UNC13D: variants seen among roughly 807,000 people sequenced by gnomAD.
The protein encoded by UNC13D is unc-13 homolog D, also known as protein unc-13 homolog D.
UNC13D carries 115 observed loss-of-function variants against 151.7 expected under a neutral mutation model. That is an observed-to-expected ratio of 0.76 (90% confidence interval 0.65 to 0.88). The LOEUF (loss-of-function observed/expected upper bound fraction) is 0.88, where lower values mean the gene tolerates loss of function less well. Ranked by LOEUF, UNC13D falls within the 40% of genes least tolerant of loss-of-function variation. The pLI is 0.00. For synonymous variants in UNC13D, 588 were observed against 612.2 expected, an observed-to-expected ratio of 0.96 and a Z score of 0.58; for missense variants, 1,369 against 1,438.7, an observed-to-expected ratio of 0.95 and a Z score of 0.78.
In UNC13D at chr17:75,836,002, A is replaced by C; in HGVS notation, c.1544+10T>G. The C allele has an allele frequency of 6.2e-7, 1 of 1,614,120 alleles. No individual in the cohort carries two copies. The highest frequency in any genetic ancestry group is 1.3e-5 in the African/African-American group (1 of 75,064). ...TGCCCCACTACCTCCCGACCTGGCT[A>C]TCTGCTCACTTGTGGAAGATCTTGT... On this transcript the variant is annotated intron_variant, in intron 17 of 31. Coordinates refer to ENST00000207549, the MANE Select transcript of UNC13D (RefSeq NM_199242.3).
rs7208603 is a variant in UNC13D, at chr17:75,840,646, C to T, written c.684-70G>A. The T allele has an allele frequency of 7.0e-3, 11,325 of 1,611,628 alleles. 317 individuals carry two copies. In the African/African-American group the frequency reaches 0.078, roughly 11 times the overall value. ...AAGGGATTAGGCTGGAATCCACCCC[C>T]GGCCGCAGCCACCTGGACCCCAAAG... On this transcript the variant is annotated intron_variant, in intron 8 of 31. Coordinates refer to ENST00000207549, the MANE Select transcript of UNC13D (RefSeq NM_199242.3). The surrounding 1 kb of genome is among the most constrained non-coding windows in gnomAD (Gnocchi z 4.6).
At chr17:75,835,366 C>T in intron 20 of UNC13D, 43 bp downstream of exon 20, 2 of 1,602,864 alleles carry the variant, frequency 1.2e-6, no homozygotes, top group Non-Finnish European at 1.7e-6. Context: ...CAAGCCTCAC[C>T]CCCAAACCGG....
Position 75,840,071 on chromosome 17 carries a change from C to A in UNC13D, c.898G>T (p.Val300Leu). 1 of 1,613,440 alleles carries A rather than the reference C, an allele frequency of 6.2e-7. No homozygotes were observed. The highest frequency in any genetic ancestry group is 8.5e-7 in the Non-Finnish European group (1 of 1,179,948). ...AGCTGCTGCAGGAGGTGGAGGTGCA[C>A]GGTGTAGCTCGGCTGCGAGCGGCTG... is the stretch of plus-strand genomic sequence containing the variant. ...SASRSQPSYT[V>L]HLHLLQQLVS... is the part of the protein sequence containing the mutation. The change falls in exon 11 of 32, where the codon GTG (valine) becomes TTG (leucine). Residue 300 changes from valine (V) to leucine (L), a missense_variant. By Grantham distance (32) the Val-to-Leu change is conservative. This residue lies in a region of UNC13D where 550 missense variants were observed against 609.0 expected (regional missense o/e 0.90). Coordinates refer to ENST00000207549, the MANE Select transcript of UNC13D (RefSeq NM_199242.3). This position sits in a 1 kb window ranked among gnomAD's most constrained non-coding sequence, Gnocchi z 4.6.
At chr17:75,837,015 C>G in intron 12 of UNC13D, 97 bp from the exon 13 acceptor site, 2 of 542,374 alleles carry the variant, frequency 3.7e-6, no homozygotes, top group Non-Finnish European at 5.2e-6. Context: ...TCCCATCCAC[C>G]AGTACAGGCT....
intron 22 of UNC13D, 24 bp downstream of exon 22, chr17:75,834,594 T>A (rs747921585): frequency 6.2e-7 from 1 of 1,613,368 alleles, no homozygotes; most frequent in Non-Finnish European, 8.5e-7. Context: ...CCAGCTAGAC[T>A]CCCAGCCCCA....
chr17:75,842,607 C>T lies in UNC13D; in HGVS notation c.395G>A (p.Ser132Asn). The change falls in exon 6 of 32, where the codon AGC (serine) becomes AAC (asparagine). Residue 132 changes from serine to asparagine, a missense_variant. Ser to Asn is a conservative substitution (Grantham distance 46, BLOSUM62 1). Transcript: ENST00000207549. The part of the protein sequence containing the change: ...GILGKDVSGF[S>N]DPYCLLGIEQ... ...AATGCCCAGCAGGCAGTAGGGGTCGCTGAACCCTGTGGAGGAGTGGGGAAG... is the reference window on the plus strand; with the variant it reads ...AATGCCCAGCAGGCAGTAGGGGTCGTTGAACCCTGTGGAGGAGTGGGGAAG... The T allele has an allele frequency of 6.2e-7, 1 of 1,611,716 alleles. No homozygotes were observed. The highest frequency in any genetic ancestry group is 1.3e-5 in the African/African-American group (1 of 75,052).
At position 75,828,995 on chromosome 17, in the gene UNC13D, G is replaced by C. The variant is rs889647946; in HGVS notation, c.2955-12C>G. On this transcript the variant is annotated splice_polypyrimidine_tract_variant and intron_variant, in intron 30 of 31. Coordinates refer to ENST00000207549, the MANE Select transcript of UNC13D (RefSeq NM_199242.3). ...CAGCAGGCACCAGGCTGCGGGGAGA[G>C]TCAGGGCTCTGCTGCCAGCCCCAGC... 1 of 1,600,156 alleles carries C rather than the reference G, an allele frequency of 6.2e-7. No individual in the cohort carries two copies. The highest frequency in any genetic ancestry group is 2.2e-5 in the East Asian group (1 of 44,830).
Position 75,841,066 on chromosome 17 carries a change from G to A in UNC13D, c.570-65C>T, listed in dbSNP as rs914990758. ...TGGATGCCCCCAGACGAAGCAGTAA[G>A]TGACCACAGCCCAGAGCCATGGAGT... On this transcript the variant is annotated intron_variant, in intron 6 of 31. Transcript: ENST00000207549. 6.3e-6 allele frequency: 10 copies of A among 1,582,064 alleles called. No homozygotes were observed. The African/African-American group carries it at 1.2e-4, about 19-fold the overall frequency.
chr17:75,833,152 G>A lies in UNC13D; in HGVS notation c.2368-107C>T. 2 of 1,156,276 alleles carry A rather than the reference G, an allele frequency of 1.7e-6. No individual in the cohort carries two copies. The highest frequency in any genetic ancestry group is 2.5e-6 in the Non-Finnish European group (2 of 797,108). 71.6% of individuals were successfully genotyped at this position (1,156,276 alleles called of 1,614,324 possible). A position where few individuals can be genotyped will look rare whatever the true frequency, so the allele number is the denominator to read the frequency against. ...GAAACAGGGCTGGGAACCGTTCTGT[G>A]AGAGCAGTTTGTAGTGTCTGTAAGA... is the stretch of plus-strand genomic sequence containing the variant. On this transcript the variant is annotated intron_variant, in intron 24 of 31. Transcript: ENST00000207549. This position sits in a 1 kb window ranked among gnomAD's most constrained non-coding sequence, Gnocchi z 4.0.
chr17:75,834,442 C>T lies in UNC13D; in HGVS notation c.2181G>A (p.Arg727=). The T allele has an allele frequency of 6.4e-7, 1 of 1,566,316 alleles. No homozygotes were observed. Among genetic ancestry groups the T allele is most frequent in the Non-Finnish European group, 8.6e-7 (1 of 1,160,390 alleles). Reference sequence around the variant, plus strand: ...GCCCCTGCTCCAGCACGGCCCCTACCCGCTGCTCCAGGGCCTCCCATGCCA... The same window carrying T: ...GCCCCTGCTCCAGCACGGCCCCTACTCGCTGCTCCAGGGCCTCCCATGCCA... ...AQLAWEALEQ[R]VGAVLEQGQL... Residue 727 remains arginine, a synonymous_variant, in exon 23 of 32, where the codon CGG becomes CGA. Coordinates refer to ENST00000207549, the MANE Select transcript of UNC13D (RefSeq NM_199242.3).
chr17:75,842,155 C>T (rs1167259998), intron 6 of UNC13D, among the ~76,000 whole-genome samples: 1 of 152,226 alleles, frequency 6.6e-6, no homozygotes, highest in African/African-American at 2.4e-5. Flanking sequence ...CTGCACCCAT[C>T]CCTGCCTCCT....
rs928019999 is a variant in UNC13D at position 75,832,675 on chromosome 17, A to C, written c.2447+291T>G. On this transcript the variant is annotated intron_variant, in intron 25 of 31. Coordinates refer to ENST00000207549, the MANE Select transcript of UNC13D (RefSeq NM_199242.3). This position sits in a 1 kb window ranked among gnomAD's most constrained non-coding sequence, Gnocchi z 4.3. ...GAACTCAAAGCACTCAGAGCTAGGC[A>C]GCAGGAAATGGGGAGGCCTGAGAAG... is the stretch of plus-strand genomic sequence containing the variant. The C allele has an allele frequency of 2.7e-6, 1 of 369,096 alleles. No individual in the cohort carries two copies. The highest frequency in any genetic ancestry group is 5.3e-6 in the Non-Finnish European group (1 of 189,890). The allele number at this position is 369,096 out of a possible 1,614,324, so 22.9% of individuals were successfully genotyped here.
chr17:75,843,449 C>T (rs1311456668), intron 2 of UNC13D, 35 bp downstream of exon 2: 4 of 1,592,814 alleles, frequency 2.5e-6, no homozygotes, highest in African/African-American at 2.7e-5. Context: ...AGCCGCCCTC[C>T]CCACCTCTCT....
rs548101215 is a variant in UNC13D, at chr17:75,834,498, G to A, written c.2125C>T (p.Arg709Trp). 37 of 1,575,438 alleles carry A rather than the reference G, an allele frequency of 2.3e-5. No individual in the cohort carries two copies. Among genetic ancestry groups the A allele is most frequent in the South Asian group, 4.6e-5 (4 of 87,498 alleles). ...GCGGGCAACTTGCCGATCACCAGCC[G>A]CAGCTGCTCCATGTCATTCACCACC... The part of the protein sequence containing the change: ...CVVVNDMEQL[R>W]LVIGKLPAQL... The change falls in exon 23 of 32, where the codon CGG becomes TGG. Residue 709 changes from arginine (R) to tryptophan (W), a missense_variant. Coordinates refer to ENST00000207549, the MANE Select transcript of UNC13D (RefSeq NM_199242.3).
chr17:75,830,977 G>T, intron 27 of UNC13D, 121 bp downstream of exon 27: 3 of 1,216,098 alleles, frequency 2.5e-6, no homozygotes, highest in Non-Finnish European at 3.5e-6. Flanking sequence ...TTTGAATAAG[G>T]GGCCCAGTTT....
intron 6 of UNC13D, among the ~76,000 whole-genome samples, chr17:75,841,818 G>A (rs1402740632): frequency 2.0e-5 from 3 of 147,928 alleles, no homozygotes; most frequent in African/African-American, 7.6e-5. Context: ...GTGCTATCTC[G>A]GCTCACTGCA....
chr17:75,843,686 G>A, intron 1 of UNC13D, 167 bp from the exon 2 acceptor site: 8 of 1,470,012 alleles, frequency 5.4e-6, no homozygotes, highest in Non-Finnish European at 7.2e-6. Context: ...AGGCCTCCTG[G>A]AGGTCCGTCC....
Position 75,832,547 on chromosome 17 carries a change from C to T in UNC13D, c.2447+419G>A. 1 of 166,068 alleles carries T rather than the reference C, an allele frequency of 6.0e-6. No individual in the cohort carries two copies. Among genetic ancestry groups the T allele is most frequent in the African/African-American group, 2.4e-5 (1 of 42,210 alleles). The allele number at this position is 166,068 out of a possible 1,614,324, so 10.3% of individuals were successfully genotyped here. A position where few individuals can be genotyped will look rare whatever the true frequency, so the allele number is the denominator to read the frequency against. ...TTCTCCCTGCACCGTGGGCAGGGAC[C>T]ACCTGTAACCTAATGGGGGCAGAGG... On this transcript the variant is annotated intron_variant, in intron 25 of 31. Transcript: ENST00000207549. This position sits in a 1 kb window ranked among gnomAD's most constrained non-coding sequence, Gnocchi z 4.3.
intron 30 of UNC13D, 158 bp downstream of exon 30, chr17:75,829,870 A>G: frequency 8.5e-7 from 1 of 1,173,986 alleles, no homozygotes; most frequent in Non-Finnish European, 1.2e-6. Context: ...GAGCCACCAC[A>G]TCCAGCTGCA....
Sources: allele counts gnomAD v4.1 joint callset (sites outside exome capture counted in the v4.1 genomes callset), GRCh38; gene constraint gnomAD v4.1.1; regional missense constraint gnomAD v4.1.1; non-coding constraint Gnocchi (gnomAD v3.1); transcripts MANE v1.5; gene names NCBI Gene and HGNC (gene_info 2026-07-23, HGNC 2026-07-21).